Variants in MBNL2 observed in about 807,000 individuals in gnomAD.
MBNL2 encodes the protein muscleblind like splicing regulator 2.
A neutral mutation model predicts 41.9 loss-of-function variants in MBNL2; 17 were observed. That is an observed-to-expected ratio of 0.41 (90% CI 0.28 to 0.61). The LOEUF (loss-of-function observed/expected upper bound fraction) is 0.61, where lower values mean the gene tolerates loss of function less well. Among genes scored for constraint, MBNL2 ranks in the 20% least tolerant of loss-of-function variants. The pLI is 0.35. For missense variants in MBNL2, 336 were observed against 505.6 expected (o/e 0.66, Z 3.22); for synonymous variants, 195 against 182.9 (o/e 1.07, Z -0.53).
intron 2 of MBNL2, among the ~76,000 whole-genome samples, chr13:97,297,684 G>C (rs1244595216): frequency 6.6e-6 from 1 of 152,158 alleles, no homozygotes; most frequent in Non-Finnish European, 1.5e-5. Flanking sequence ...TGCAACAATA[G>C]AGACTAAGAT....
At chr13:97,153,558 C>T in the MBNL2 span, among the ~76,000 whole-genome samples, 2 of 151,950 alleles carry the variant, frequency 1.3e-5, no homozygotes, top group African/African-American at 4.8e-5. Flanking sequence ...AAGCTATGAA[C>T]GCATATAATT....
At chr13:97,287,950 T>TTTTTTTTTTTTTTG in intron 2 of MBNL2, among the ~76,000 whole-genome samples, 1 of 148,100 alleles carries the variant, frequency 6.8e-6, no homozygotes, top group African/African-American at 2.5e-5. Context: ...TTTTTTTTTT[T>TTTTTTTTTTTTTTG]TTTAGTAGAG....
At chr13:97,157,024 G>A in the MBNL2 span, among the ~76,000 whole-genome samples, 19 of 149,494 alleles carry the variant, frequency 1.3e-4, no homozygotes, top group Admixed American at 4.0e-4. Context: ...TCCTACCCAT[G>A]AGCATGGAAT....
chr13:97,198,883 C>T, the MBNL2 span, among the ~76,000 whole-genome samples: 1 of 152,176 alleles, frequency 6.6e-6, no homozygotes, highest in Non-Finnish European at 1.5e-5. Flanking sequence ...AATCAATAAC[C>T]TCCTAACTGG....
chr13:97,206,014 T>C, the MBNL2 span, among the ~76,000 whole-genome samples: 1 of 152,212 alleles, frequency 6.6e-6, no homozygotes. Context: ...ACTTCTATGA[T>C]AAAAAATGAG....
At chr13:97,311,679 C>T (rs74937948) in intron 2 of MBNL2, among the ~76,000 whole-genome samples, 1 of 151,010 alleles carries the variant, frequency 6.6e-6, no homozygotes, top group Non-Finnish European at 1.5e-5. Flanking sequence ...AAAAAAAAAC[C>T]ATGTGTAGAT....
At chr13:97,227,183 G>C (rs1415214401) in intron 1 of MBNL2, among the ~76,000 whole-genome samples, 3 of 152,162 alleles carry the variant, frequency 2.0e-5, no homozygotes, top group Non-Finnish European at 4.4e-5. Context: ...GAGGTTCAGG[G>C]ACGCAGCCTG....
intron 1 of MBNL2, among the ~76,000 whole-genome samples, chr13:97,250,043 T>C (rs1225810083): frequency 6.6e-6 from 1 of 152,208 alleles, no homozygotes; most frequent in Non-Finnish European, 1.5e-5. Context: ...CTTTCTCAGC[T>C]TTTTTTGGAA....
the MBNL2 span, among the ~76,000 whole-genome samples, chr13:97,205,639 C>G: frequency 6.6e-6 from 1 of 152,138 alleles, no homozygotes; most frequent in South Asian, 2.1e-4. Context: ...AGAAAACTCT[C>G]ATTTGAAATA....
chr13:97,160,364 G>T, the MBNL2 span, among the ~76,000 whole-genome samples: 1 of 152,134 alleles, frequency 6.6e-6, no homozygotes, highest in Admixed American at 6.6e-5. Flanking sequence ...TTGCTGAAAG[G>T]AATTTTTGCT....
the MBNL2 span, among the ~76,000 whole-genome samples, chr13:97,190,254 T>C: frequency 6.6e-6 from 1 of 152,162 alleles, no homozygotes; most frequent in Non-Finnish European, 1.5e-5. Flanking sequence ...TCTGTGTAAA[T>C]AAATGTTTAA....
chr13:97,394,079 C>A lies in MBNL2; in HGVS notation c.*2630C>A, dbSNP rs962133173. ...TTGGTTGTAATATTCAGTTCACTCA[C>A]CCAATGTACAACCAATGAAATAAAA... is the stretch of plus-strand genomic sequence containing the variant. On this transcript the variant is annotated 3_prime_UTR_variant, in exon 9 of 9. Transcript: ENST00000679496. 1.3e-5 allele frequency: 2 copies of A among 152,546 alleles called. No homozygotes were observed. The highest frequency in any genetic ancestry group is 4.8e-5 in the African/African-American group (2 of 41,440). 9.4% of individuals were successfully genotyped at this position (152,546 alleles called of 1,614,324 possible).
At chr13:97,263,384 C>T (rs912876884) in intron 1 of MBNL2, among the ~76,000 whole-genome samples, 1 of 152,180 alleles carries the variant, frequency 6.6e-6, no homozygotes, top group Non-Finnish European at 1.5e-5. Context: ...ACTAACTATG[C>T]TGATGTGTTA....
chr13:97,337,048 C>T (rs2060945891), intron 3 of MBNL2, among the ~76,000 whole-genome samples: 1 of 152,134 alleles, frequency 6.6e-6, no homozygotes, highest in Admixed American at 6.5e-5. Context: ...GTTTGTGTCC[C>T]ACCAAAATTC....
At chr13:97,207,607 A>C in the MBNL2 span, among the ~76,000 whole-genome samples, 1 of 152,168 alleles carries the variant, frequency 6.6e-6, no homozygotes, top group African/African-American at 2.4e-5. Flanking sequence ...GATCCCTCCC[A>C]CAACAGGTGG....
chr13:97,197,262 T>C, the MBNL2 span, among the ~76,000 whole-genome samples: 1 of 152,240 alleles, frequency 6.6e-6, no homozygotes, highest in Non-Finnish European at 1.5e-5. Context: ...GGCACGATTA[T>C]TCTGCCTTAT....
the MBNL2 span, among the ~76,000 whole-genome samples, chr13:97,160,575 C>T: frequency 1.3e-5 from 2 of 151,882 alleles, no homozygotes; most frequent in Non-Finnish European, 2.9e-5. Context: ...CACACACATG[C>T]ACACACACAC....
intron 8 of MBNL2, among the ~76,000 whole-genome samples, chr13:97,378,191 T>TTACTATATAA: frequency 6.6e-6 from 1 of 152,192 alleles, no homozygotes; most frequent in African/African-American, 2.4e-5. Flanking sequence ...AATTGAAATG[T>TTACTATATAA]TATTATGTAA....
At chr13:97,264,248 C>G (rs1450266524) in intron 1 of MBNL2, among the ~76,000 whole-genome samples, 1 of 150,604 alleles carries the variant, frequency 6.6e-6, no homozygotes, top group Non-Finnish European at 1.5e-5. Flanking sequence ...AGGATGGTCT[C>G]CATCTCCTAA....
Sources: gnomAD v4.1 joint callset for allele counts (sites outside exome capture counted in the v4.1 genomes callset) on GRCh38, gnomAD v4.1.1 for gene constraint, MANE v1.5 for transcripts, NCBI Gene and HGNC (gene_info 2026-07-23, HGNC 2026-07-21) for gene names.